The following TPRG1 variants were observed in gnomAD, a reference collection of about 807,000 sequenced individuals.
TPRG1 encodes the protein tumor protein p63-regulated gene 1 protein.
TPRG1 carries 29 observed loss-of-function variants against 29.3 expected under a neutral mutation model. The ratio of observed to expected loss-of-function variants is 0.99; its 90% CI spans 0.74 to 1.35. The LOEUF (loss-of-function observed/expected upper bound fraction) is 1.35. Among genes scored for constraint, TPRG1 ranks in the 40% most tolerant of loss-of-function variants. TPRG1 has a pLI of 0.00. For missense variants in TPRG1, 327 were observed against 335.0 expected (o/e 0.98, Z 0.19); for synonymous variants, 130 against 116.8 (o/e 1.11, Z -0.73).
rs764638758 is a variant in TPRG1 at position 189,298,699 on chromosome 3, A to AGT, written c.480-11677_480-11676dup. Among the ~76,000 whole-genome samples the AGT allele has an allele frequency of 8.5e-5, 13 of 152,220 alleles. No individual in the cohort carries two copies. The East Asian group carries it at 2.5e-3, about 29-fold the overall frequency. On this transcript the variant is annotated intron_variant, in intron 4 of 5. Coordinates refer to ENST00000345063, the MANE Select transcript of TPRG1 (RefSeq NM_198485.4). ...GATTCATGAGGGCCATAACCTAGAG[A>AGT]GTGTGTGTGTGGAAAACCTAGAGGG...
intron 4 of TPRG1, among the ~76,000 whole-genome samples, chr3:189,080,637 G>A (rs1717530422): frequency 1.3e-5 from 2 of 152,186 alleles, no homozygotes; most frequent in Admixed American, 6.5e-5. Context: ...CATGGGCTAA[G>A]TCTGGAAGAA....
chr3:189,142,200 A>G lies in TPRG1; in HGVS notation c.-290-5384A>G, dbSNP rs147775842. On this transcript the variant is annotated intron_variant, in intron 3 of 6. Coordinates refer to the TPRG1 transcript ENST00000412373. ...TCCAGGTCTGGGAGAAGCTCCTTCCATCTTCGTGGTGATGCGAGGTGGTGG... is the reference window on the plus strand; with the variant it reads ...TCCAGGTCTGGGAGAAGCTCCTTCCGTCTTCGTGGTGATGCGAGGTGGTGG... 6.3e-3 allele frequency among the ~76,000 whole-genome samples: 961 copies of G among 152,296 alleles called. 12 individuals carry two copies. The highest frequency in any genetic ancestry group is 0.022 in the African/African-American group (933 of 41,556).
intron 2 of TPRG1, among the ~76,000 whole-genome samples, chr3:189,214,129 TA>T (rs1735681404): frequency 6.6e-6 from 1 of 152,160 alleles, no homozygotes; most frequent in South Asian, 2.1e-4. Context: ...GCGAGGCAAA[TA>T]AGGTTTTAAA....
At chr3:189,279,333 A>T (rs912203760) in intron 4 of TPRG1, among the ~76,000 whole-genome samples, 2 of 152,152 alleles carry the variant, frequency 1.3e-5, no homozygotes, top group African/African-American at 4.8e-5. Context: ...GAAGGTAGAG[A>T]TCACAACTGG....
At chr3:189,240,185 G>T (rs1026206339) in intron 4 of TPRG1, 2 of 152,012 alleles carry the variant, frequency 1.3e-5, no homozygotes, top group Non-Finnish European at 2.9e-5. Flanking sequence ...GATGCAAAAA[G>T]TGATTAATTT....
intron 1 of TPRG1, among the ~76,000 whole-genome samples, chr3:189,100,439 G>A (rs1026568142): frequency 6.6e-6 from 1 of 152,040 alleles, no homozygotes; most frequent in Non-Finnish European, 1.5e-5. Flanking sequence ...CTCTCTCATG[G>A]GTCTCGGCTC....
chr3:189,121,154 G>C (rs1264098634), intron 1 of TPRG1: 1 of 152,168 alleles, frequency 6.6e-6, no homozygotes, highest in Non-Finnish European at 1.5e-5. Context: ...TTGTCAGTTA[G>C]GTAGATAAAC....
intron 3 of TPRG1, 53 bp from the exon 4 acceptor site, chr3:189,238,680 C>G (rs540735087): frequency 2.5e-5 from 37 of 1,480,136 alleles, no homozygotes; most frequent in Non-Finnish European, 3.2e-5. Flanking sequence ...AAGGTCATTG[C>G]TTTTAACTTA....
At chr3:189,087,695 G>A (rs1011628793) in intron 4 of TPRG1, among the ~76,000 whole-genome samples, 1 of 152,202 alleles carries the variant, frequency 6.6e-6, no homozygotes, top group Non-Finnish European at 1.5e-5. Context: ...AAGGTGTAAG[G>A]AAGGGATCCA....
At chr3:189,149,831 C>A (rs556277105) in intron 4 of TPRG1, among the ~76,000 whole-genome samples, 1 of 152,250 alleles carries the variant, frequency 6.6e-6, no homozygotes, top group African/African-American at 2.4e-5. Flanking sequence ...CAACCAGAGC[C>A]CCCATCTTTT....
chr3:189,295,728 A>G (rs7613250), intron 4 of TPRG1, among the ~76,000 whole-genome samples: 41,345 of 151,920 alleles, frequency 0.27, 6,214 homozygotes, highest in Middle Eastern at 0.35. Context: ...GTGATGTTTT[A>G]CTAGACATAA....
At chr3:189,264,651 A>T (rs1289674279) in intron 4 of TPRG1, among the ~76,000 whole-genome samples, 1 of 152,120 alleles carries the variant, frequency 6.6e-6, no homozygotes, top group African/African-American at 2.4e-5. Context: ...TTTCCAATGA[A>T]GTGTTCATTT....
chr3:189,276,108 C>T (rs537917580), intron 4 of TPRG1, among the ~76,000 whole-genome samples: 17 of 151,956 alleles, frequency 1.1e-4, no homozygotes, highest in African/African-American at 4.1e-4. Flanking sequence ...GATGATAACA[C>T]AAGGAACACT....
chr3:189,200,612 C>G (rs968386948), intron 1 of TPRG1, among the ~76,000 whole-genome samples: 17 of 152,228 alleles, frequency 1.1e-4, no homozygotes, highest in African/African-American at 4.1e-4. Flanking sequence ...CCATCTGCAA[C>G]AGAGTCATCG....
At chr3:189,029,123 T>C (rs751528075) in intron 4 of TPRG1, among the ~76,000 whole-genome samples, 4 of 152,200 alleles carry the variant, frequency 2.6e-5, no homozygotes, top group Non-Finnish European at 4.4e-5. Flanking sequence ...TGAGCCTTTT[T>C]TTCTACTCTA....
intron 5 of TPRG1, among the ~76,000 whole-genome samples, chr3:189,155,131 C>T (rs545073232): frequency 1.9e-4 from 29 of 152,090 alleles, no homozygotes; most frequent in East Asian, 9.7e-4. Context: ...AAGGGGGAGC[C>T]GCAGGAGGAA....
chr3:189,232,180 G>T (rs1578945720), intron 3 of TPRG1, among the ~76,000 whole-genome samples: 2 of 152,030 alleles, frequency 1.3e-5, no homozygotes, highest in South Asian at 4.2e-4. Context: ...ATAAATGGGT[G>T]TTTCCAGGTT....
chr3:189,025,064 T>G (rs1374785720), intron 4 of TPRG1, among the ~76,000 whole-genome samples: 1 of 152,204 alleles, frequency 6.6e-6, no homozygotes, highest in African/African-American at 2.4e-5. Context: ...CCTAGGGGTA[T>G]GTACCAACAT....
chr3:189,287,131 T>G (rs1166230885), intron 4 of TPRG1, among the ~76,000 whole-genome samples: 1 of 152,050 alleles, frequency 6.6e-6, no homozygotes, highest in Non-Finnish European at 1.5e-5. Flanking sequence ...GGTTGCAAGA[T>G]AGCACTGCAC....
Sources: allele counts gnomAD v4.1 joint callset (sites outside exome capture counted in the v4.1 genomes callset), GRCh38; gene constraint gnomAD v4.1.1; transcripts MANE v1.5; gene names NCBI Gene and HGNC (gene_info 2026-07-23, HGNC 2026-07-21).